The following SUGCT variants were observed in gnomAD, a reference collection of about 807,000 sequenced individuals.
The protein encoded by SUGCT is succinyl-CoA:glutarate-CoA transferase.
A neutral mutation model predicts 55.0 loss-of-function variants in SUGCT; 41 were observed. That is an observed-to-expected ratio of 0.74 (90% CI 0.58 to 0.97). The LOEUF (loss-of-function observed/expected upper bound fraction) is 0.97. Ranked by LOEUF, SUGCT falls within the 50% of genes least tolerant of loss-of-function variation. The pLI, the probability that SUGCT is intolerant of heterozygous loss-of-function variation, is 0.00. For synonymous variants in SUGCT, 187 were observed against 200.4 expected, an observed-to-expected ratio of 0.93 and a Z score of 0.56; for missense variants, 568 against 547.8, an observed-to-expected ratio of 1.04 and a Z score of -0.37.
chr7:40,165,013 T>C (rs1323636896), intron 1 of SUGCT, among the ~76,000 whole-genome samples: 1 of 152,198 alleles, frequency 6.6e-6, no homozygotes, highest in Non-Finnish European at 1.5e-5. Context: ...CTTCTGTGAC[T>C]TCAGACACAT....
chr7:40,863,081 A>T (rs1584555728), downstream of SUGCT, among the ~76,000 whole-genome samples: 1 of 152,132 alleles, frequency 6.6e-6, no homozygotes, highest in East Asian at 1.9e-4. Context: ...TCTACTAAAA[A>T]TACAAAAATT....
intron 7 of SUGCT, among the ~76,000 whole-genome samples, chr7:40,248,421 TTG>T (rs1037300270): frequency 1.2e-4 from 19 of 152,236 alleles, no homozygotes; most frequent in African/African-American, 3.9e-4. Flanking sequence ...CTTGCTTTTA[TTG>T]TGTCTATACC....
the SUGCT span, among the ~76,000 whole-genome samples, chr7:40,992,419 CG>C: frequency 6.6e-5 from 10 of 152,254 alleles, no homozygotes; most frequent in Middle Eastern, 3.4e-3. Flanking sequence ...AAGGTCTTTA[CG>C]ACCTGTATTT....
At chr7:40,940,359 T>A in the SUGCT span, among the ~76,000 whole-genome samples, 2 of 152,128 alleles carry the variant, frequency 1.3e-5, no homozygotes, top group Non-Finnish European at 2.9e-5. Flanking sequence ...CTTGGCTATT[T>A]GGGCTCTTTT....
chr7:40,501,344 T>G (rs895267648), intron 12 of SUGCT, among the ~76,000 whole-genome samples: 2 of 152,110 alleles, frequency 1.3e-5, no homozygotes, highest in African/African-American at 4.8e-5. Flanking sequence ...AAGCTCCCAG[T>G]TTTTTATTAA....
At chr7:40,298,318 T>A (rs1213211501) in intron 8 of SUGCT, among the ~76,000 whole-genome samples, 1 of 152,152 alleles carries the variant, frequency 6.6e-6, no homozygotes, top group African/African-American at 2.4e-5. Context: ...CTTCTTATAG[T>A]TGCTCATATT....
intron 9 of SUGCT, among the ~76,000 whole-genome samples, chr7:40,369,792 T>C (rs1346823463): frequency 1.3e-5 from 2 of 152,146 alleles, no homozygotes; most frequent in African/African-American, 4.8e-5. Flanking sequence ...AAGCAAAGTT[T>C]ATTCAGTTGC....
intron 9 of SUGCT, among the ~76,000 whole-genome samples, chr7:40,381,041 A>G (rs1163224359): frequency 6.6e-6 from 1 of 152,102 alleles, no homozygotes; most frequent in Non-Finnish European, 1.5e-5. Context: ...ATCATTTGTC[A>G]TATTTTTAAT....
At chr7:40,940,115 C>T in the SUGCT span, among the ~76,000 whole-genome samples, 2 of 152,092 alleles carry the variant, frequency 1.3e-5, no homozygotes, top group South Asian at 2.1e-4. Flanking sequence ...TTTCCCAGCA[C>T]CATTTATTGA....
Position 40,448,901 on chromosome 7 carries a change from CAT to C in SUGCT, c.817-383_817-382del, listed in dbSNP as rs771145254. Among the ~76,000 whole-genome samples, 26 of 141,326 alleles carry C rather than the reference CAT, an allele frequency of 1.8e-4. No individual in the cohort carries two copies. In the East Asian group the frequency reaches 2.2e-3, roughly 12 times the overall value. 92.7% of individuals were successfully genotyped at this position (141,326 alleles called of 152,430 possible). A position where few individuals can be genotyped will look rare whatever the true frequency, so the allele number is the denominator to read the frequency against. On this transcript the variant is annotated intron_variant, in intron 9 of 13. Coordinates refer to ENST00000335693, the MANE Select transcript of SUGCT (RefSeq NM_001193313.2). ...ATATACATACATACATACATAGACA[CAT>C]ATGTGTGTGTGTGTGTATATATGTG...
chr7:40,324,240 A>C (rs373685985), intron 9 of SUGCT, among the ~76,000 whole-genome samples: 1 of 51,636 alleles, frequency 1.9e-5, no homozygotes, highest in East Asian at 9.6e-4. Flanking sequence ...TATATAAATA[A>C]ATAAATAAAT....
At chr7:40,530,786 A>G (rs1457644912) in intron 12 of SUGCT, among the ~76,000 whole-genome samples, 2 of 152,210 alleles carry the variant, frequency 1.3e-5, no homozygotes, top group South Asian at 2.1e-4. Context: ...AATCCCTTCT[A>G]TATCACAGAC....
At chr7:40,649,244 G>A (rs1415582689) in intron 12 of SUGCT, among the ~76,000 whole-genome samples, 2 of 151,930 alleles carry the variant, frequency 1.3e-5, no homozygotes, top group South Asian at 4.2e-4. Flanking sequence ...AGCAGTATTT[G>A]AGATGCCTGT....
At chr7:40,436,556 G>T (rs930306829) in intron 9 of SUGCT, among the ~76,000 whole-genome samples, 1 of 152,102 alleles carries the variant, frequency 6.6e-6, no homozygotes, top group African/African-American at 2.4e-5. Flanking sequence ...GTGAAATGTG[G>T]TGACAGCTTG....
At chr7:40,644,894 G>A (rs927516373) in intron 12 of SUGCT, among the ~76,000 whole-genome samples, 4 of 152,144 alleles carry the variant, frequency 2.6e-5, no homozygotes, top group African/African-American at 7.2e-5. Context: ...CTGGGTCCAC[G>A]GGCAAGGCAG....
chr7:40,454,514 A>G (rs1789367558), intron 10 of SUGCT, among the ~76,000 whole-genome samples: 1 of 152,186 alleles, frequency 6.6e-6, no homozygotes, highest in Non-Finnish European at 1.5e-5. Flanking sequence ...TATTCCTCCT[A>G]GGCTATAAAT....
rs151139547 is a variant in SUGCT at position 40,572,172 on chromosome 7, TG to T, written c.1089+75788del. Among the ~76,000 whole-genome samples the T allele has an allele frequency of 1.2e-4, 18 of 152,192 alleles. 1 individual carries two copies. In the East Asian group the frequency reaches 3.3e-3, roughly 28 times the overall value. On this transcript the variant is annotated intron_variant, in intron 12 of 13. Coordinates refer to ENST00000335693, the MANE Select transcript of SUGCT (RefSeq NM_001193313.2). ...GTTTGCTGGGAGGCGTATGAGACAC[TG>T]GCTTTCCAGGAGGAAAGCTCCTGGA...
intron 8 of SUGCT, among the ~76,000 whole-genome samples, chr7:40,286,368 C>T (rs1793339543): frequency 6.6e-6 from 1 of 152,196 alleles, no homozygotes. Context: ...ACTCTCGCCT[C>T]TCTCTTAGGA....
intron 6 of SUGCT, among the ~76,000 whole-genome samples, chr7:40,232,718 A>G (rs1417608090): frequency 6.6e-6 from 1 of 152,186 alleles, no homozygotes; most frequent in Non-Finnish European, 1.5e-5. Flanking sequence ...GTGTCCATAA[A>G]TGCCACAAGA....
Sources: gnomAD v4.1 joint callset for allele counts (sites outside exome capture counted in the v4.1 genomes callset) on GRCh38, gnomAD v4.1.1 for gene constraint, MANE v1.5 for transcripts, NCBI Gene and HGNC (gene_info 2026-07-23, HGNC 2026-07-21) for gene names.